ZDHHC2: variants seen among roughly 807,000 people sequenced by gnomAD.
ZDHHC2 encodes the protein zDHHC palmitoyltransferase 2.
A neutral mutation model predicts 55.6 loss-of-function variants in ZDHHC2; 51 were observed. The ratio of observed to expected loss-of-function variants is 0.92; its 90% CI spans 0.73 to 1.16. The LOEUF is 1.16. Among genes scored for constraint, ZDHHC2 ranks in the 50% most tolerant of loss-of-function variants. The pLI, the probability that ZDHHC2 is intolerant of heterozygous loss-of-function variation, is 0.00. For missense variants in ZDHHC2, 491 were observed against 442.4 expected, an observed-to-expected ratio of 1.11 and a Z score of -0.99; for synonymous variants, 199 against 152.9, an observed-to-expected ratio of 1.30 and a Z score of -2.22.
intron 3 of ZDHHC2, among the ~76,000 whole-genome samples, chr8:17,189,897 G>A (rs1805931001): frequency 6.6e-6 from 1 of 152,112 alleles, no homozygotes; most frequent in Non-Finnish European, 1.5e-5. Flanking sequence ...CACTGGCTTT[G>A]AACATGAAAC....
chr8:17,208,676 A>T (rs934240099), intron 8 of ZDHHC2, among the ~76,000 whole-genome samples: 2 of 152,180 alleles, frequency 1.3e-5, no homozygotes, highest in African/African-American at 2.4e-5. Flanking sequence ...GAAATGAAAC[A>T]TTATGGAATT....
At chr8:17,175,716 G>A (rs897152406) in intron 1 of ZDHHC2, among the ~76,000 whole-genome samples, 1 of 148,242 alleles carries the variant, frequency 6.7e-6, no homozygotes, top group African/African-American at 2.4e-5. Context: ...CATCACACAG[G>A]ATTCAAACCT....
At chr8:17,166,921 G>T (rs779261100) in intron 1 of ZDHHC2, among the ~76,000 whole-genome samples, 3 of 152,130 alleles carry the variant, frequency 2.0e-5, no homozygotes, top group Non-Finnish European at 4.4e-5. Context: ...TCGTATACCA[G>T]TGTACGAGTT....
At chr8:17,199,622 TTCC>T (rs1563161745) in intron 6 of ZDHHC2, among the ~76,000 whole-genome samples, 73 of 50,562 alleles carry the variant, frequency 1.4e-3, no homozygotes, top group Non-Finnish European at 6.0e-3. Flanking sequence ...CTTCTTCTTC[TTCC>T]TTTCTTCTTC....
intron 1 of ZDHHC2, among the ~76,000 whole-genome samples, chr8:17,166,158 T>C (rs931609831): frequency 3.9e-5 from 6 of 152,170 alleles, no homozygotes; most frequent in African/African-American, 1.4e-4. Flanking sequence ...TTTGAAAAGA[T>C]CTTTCTGGCC....
rs2150955592 is a variant in ZDHHC2, at chr8:17,221,620, A to C, written c.*1399A>C. 1 of 152,638 alleles carries C rather than the reference A, an allele frequency of 6.6e-6. No homozygotes were observed. Among genetic ancestry groups the C allele is most frequent in the African/African-American group, 2.4e-5 (1 of 41,584 alleles). The allele number at this position is 152,638 out of a possible 1,614,324, so 9.5% of individuals were successfully genotyped here. ...AAAATAAACTAGAAGGCCAGAGGAT[A>C]ATGGAATAAAAGATCATTGCAATTA... On this transcript the variant is annotated 3_prime_UTR_variant, in exon 13 of 13. Transcript: ENST00000262096.
chr8:17,217,536 A>G (rs1334919519), intron 12 of ZDHHC2, among the ~76,000 whole-genome samples: 1 of 152,184 alleles, frequency 6.6e-6, no homozygotes, highest in Non-Finnish European at 1.5e-5. Context: ...ATACTGAACT[A>G]TATGTAAAAA....
chr8:17,206,328 A>G (rs1807101035), intron 7 of ZDHHC2, among the ~76,000 whole-genome samples: 1 of 152,196 alleles, frequency 6.6e-6, no homozygotes, highest in Non-Finnish European at 1.5e-5. Context: ...TCAATAATGT[A>G]TATTAAATAA....
chr8:17,215,003 G>A (rs559152037), intron 10 of ZDHHC2, among the ~76,000 whole-genome samples: 1 of 152,142 alleles, frequency 6.6e-6, no homozygotes, highest in Non-Finnish European at 1.5e-5. Flanking sequence ...CAGTGTTAGA[G>A]ATTATCATCT....
chr8:17,192,497 G>A (rs554221023), intron 3 of ZDHHC2, among the ~76,000 whole-genome samples: 39 of 152,190 alleles, frequency 2.6e-4, no homozygotes, highest in Admixed American at 6.5e-4. Context: ...AGAGTTGTTC[G>A]AGCTCCTTAT....
intron 5 of ZDHHC2, 86 bp from the exon 6 acceptor site, chr8:17,198,295 G>C: frequency 7.7e-7 from 1 of 1,294,006 alleles, no homozygotes; most frequent in East Asian, 2.8e-5. Flanking sequence ...GCAGCTGTTT[G>C]AACTAACCAT....
At chr8:17,186,947 C>G (rs923449273) in intron 3 of ZDHHC2, among the ~76,000 whole-genome samples, 1 of 152,176 alleles carries the variant, frequency 6.6e-6, no homozygotes, top group Non-Finnish European at 1.5e-5. Flanking sequence ...AAGGGGGACT[C>G]TGCGGTTCCA....
At position 17,185,812 on chromosome 8, in the gene ZDHHC2, C is replaced by G. The variant is rs117027936; in HGVS notation, c.158-519C>G. On this transcript the variant is annotated intron_variant, in intron 2 of 12. Transcript: ENST00000262096. ...ATGTAATAAATAAGACACTTGAACT[C>G]CCACTGAAGGAAATCTCTTTGTCCA... is the stretch of plus-strand genomic sequence containing the variant. 1.1e-3 allele frequency among the ~76,000 whole-genome samples: 170 copies of G among 152,304 alleles called. 4 individuals are homozygous for G. In the East Asian group the frequency reaches 0.027, roughly 24 times the overall value.
intron 4 of ZDHHC2, 44 bp from the exon 5 acceptor site, chr8:17,197,538 A>G (rs760103513): frequency 2.0e-6 from 3 of 1,506,116 alleles, no homozygotes; most frequent in East Asian, 2.3e-5. Context: ...TGTATTTTCA[A>G]TTCAGTGTTA....
At chr8:17,219,827 G>A (rs1181033857) in intron 12 of ZDHHC2, among the ~76,000 whole-genome samples, 2 of 152,100 alleles carry the variant, frequency 1.3e-5, no homozygotes, top group Admixed American at 1.3e-4. Context: ...TGCACATGAA[G>A]TTTCAAAATC....
At chr8:17,183,377 TGCCTCAA>T (rs1805532873) in intron 1 of ZDHHC2, among the ~76,000 whole-genome samples, 2 of 152,276 alleles carry the variant, frequency 1.3e-5, no homozygotes, top group South Asian at 4.1e-4. Flanking sequence ...AAAACAGGCT[TGCCTCAA>T]GCCTCTCCTG....
At chr8:17,159,885 C>T (rs1156515924) in intron 1 of ZDHHC2, among the ~76,000 whole-genome samples, 1 of 152,150 alleles carries the variant, frequency 6.6e-6, no homozygotes, top group East Asian at 1.9e-4. Flanking sequence ...TTTCCCTCTC[C>T]CCTGTCCCTC....
chr8:17,201,955 G>A (rs1231768351), intron 6 of ZDHHC2, among the ~76,000 whole-genome samples: 2 of 152,032 alleles, frequency 1.3e-5, no homozygotes, highest in East Asian at 3.9e-4. Flanking sequence ...AGAATTCTGG[G>A]GATCAATCTC....
intron 6 of ZDHHC2, among the ~76,000 whole-genome samples, chr8:17,199,606 T>TTTCTTC (rs147013065): frequency 3.9e-5 from 2 of 50,836 alleles, no homozygotes; most frequent in African/African-American, 4.9e-5. Flanking sequence ...TTCTTTATTC[T>TTTCTTC]TTCTTCTTCT....
Sources: allele counts gnomAD v4.1 joint callset (sites outside exome capture counted in the v4.1 genomes callset), GRCh38; gene constraint gnomAD v4.1.1; transcripts MANE v1.5; gene names NCBI Gene and HGNC (gene_info 2026-07-23, HGNC 2026-07-21).